Variants in HTR1F observed in about 807,000 individuals in gnomAD.
The protein encoded by HTR1F is 5-hydroxytryptamine (serotonin) receptor 1F, G protein-coupled.
In HTR1F, 17 loss-of-function variants were observed where a neutral mutation model predicts 24.0. The observed-to-expected ratio is 0.71, with a 90% CI of 0.48 to 1.06. The LOEUF is 1.06. Among genes scored for constraint, HTR1F ranks in the 50% least tolerant of loss-of-function variants. HTR1F has a pLI of 0.00. For synonymous variants in HTR1F, 186 were observed against 156.8 expected (o/e 1.19, Z -1.39); for missense variants, 391 against 427.8 (o/e 0.91, Z 0.76).
intron 2 of HTR1F, among the ~76,000 whole-genome samples, chr3:87,879,655 G>C (rs1345747535): frequency 2.0e-5 from 3 of 152,060 alleles, no homozygotes; most frequent in Non-Finnish European, 2.9e-5. Flanking sequence ...TAAATTTTTA[G>C]TTCAAGAAGC....
intron 2 of HTR1F, among the ~76,000 whole-genome samples, chr3:87,856,707 T>A (rs1445164465): frequency 6.6e-6 from 1 of 152,004 alleles, no homozygotes; most frequent in Non-Finnish European, 1.5e-5. Flanking sequence ...TTTAGAAAAA[T>A]TTTTCAGAAT....
intron 2 of HTR1F, among the ~76,000 whole-genome samples, chr3:87,959,281 G>T (rs1395829099): frequency 1.3e-5 from 2 of 151,754 alleles, no homozygotes; most frequent in East Asian, 3.9e-4. Context: ...ATTATTAGGA[G>T]TTTAATGAGA....
At chr3:87,900,140 T>C (rs1706288781) in intron 2 of HTR1F, among the ~76,000 whole-genome samples, 2 of 151,964 alleles carry the variant, frequency 1.3e-5, no homozygotes, top group Middle Eastern at 3.4e-3. Context: ...GGATAAGTAG[T>C]ATTAATATAA....
At chr3:87,891,868 A>T (rs1157617635) in intron 2 of HTR1F, among the ~76,000 whole-genome samples, 1 of 152,182 alleles carries the variant, frequency 6.6e-6, no homozygotes, top group Non-Finnish European at 1.5e-5. Context: ...TTAACTTTAT[A>T]ATCACCACTG....
chr3:87,845,572 G>A (rs779822891), intron 2 of HTR1F, among the ~76,000 whole-genome samples: 2 of 148,716 alleles, frequency 1.3e-5, no homozygotes, highest in African/African-American at 2.5e-5. Flanking sequence ...CACTGCTCAA[G>A]GAAATAAAAG....
intron 2 of HTR1F, among the ~76,000 whole-genome samples, chr3:87,970,235 T>C (rs1246431141): frequency 6.6e-6 from 1 of 152,162 alleles, no homozygotes; most frequent in Non-Finnish European, 1.5e-5. Flanking sequence ...TCAGGTAAGA[T>C]ACAGGGGAAC....
At chr3:87,952,562 C>T (rs753528736) in intron 2 of HTR1F, among the ~76,000 whole-genome samples, 2 of 151,854 alleles carry the variant, frequency 1.3e-5, no homozygotes, top group East Asian at 1.9e-4. Flanking sequence ...CAATAAATTG[C>T]GATCAGCCCT....
At chr3:87,923,192 T>C (rs1221251417) in intron 2 of HTR1F, among the ~76,000 whole-genome samples, 1 of 152,046 alleles carries the variant, frequency 6.6e-6, no homozygotes, top group African/African-American at 2.4e-5. Flanking sequence ...TAAAGTCAGG[T>C]GGTATGATGC....
chr3:87,946,992 A>C (rs1211992469), intron 2 of HTR1F, among the ~76,000 whole-genome samples: 1 of 152,218 alleles, frequency 6.6e-6, no homozygotes, highest in Non-Finnish European at 1.5e-5. Flanking sequence ...AATCCTCTGA[A>C]GAGTTAATTT....
At chr3:87,906,885 A>T (rs1703678858) in intron 2 of HTR1F, among the ~76,000 whole-genome samples, 1 of 152,068 alleles carries the variant, frequency 6.6e-6, no homozygotes, top group South Asian at 2.1e-4. Context: ...CTTATGGCTG[A>T]GTAGTATTCC....
intron 2 of HTR1F, among the ~76,000 whole-genome samples, chr3:87,889,542 C>T (rs1230117660): frequency 2.0e-5 from 3 of 151,940 alleles, no homozygotes; most frequent in Admixed American, 1.3e-4. Context: ...AGTGTTCTGA[C>T]TAAGAAGATT....
At chr3:87,831,103 A>AT (rs1246727629) in intron 2 of HTR1F, among the ~76,000 whole-genome samples, 1 of 151,902 alleles carries the variant, frequency 6.6e-6, no homozygotes, top group Non-Finnish European at 1.5e-5. Context: ...ATTCATAGCT[A>AT]TTTTTCTGGC....
At chr3:87,854,451 T>C (rs1421337761) in intron 2 of HTR1F, among the ~76,000 whole-genome samples, 3 of 152,016 alleles carry the variant, frequency 2.0e-5, no homozygotes, top group Non-Finnish European at 4.4e-5. Context: ...ATACTTATTA[T>C]TTCTTAGTCT....
At chr3:87,796,249 A>AAGG (rs1703903606) in intron 1 of HTR1F, among the ~76,000 whole-genome samples, 1 of 147,744 alleles carries the variant, frequency 6.8e-6, no homozygotes, top group Non-Finnish European at 1.5e-5. Context: ...TGGGTGTTGG[A>AAGG]AGGAAAGGAA....
chr3:87,885,115 AAAG>A, intron 2 of HTR1F, among the ~76,000 whole-genome samples: 1 of 152,304 alleles, frequency 6.6e-6, no homozygotes, highest in South Asian at 2.1e-4. Flanking sequence ...AGCAAATGTA[AAAG>A]AATAGAAATC....
chr3:87,946,210 G>A (rs1704699826), intron 2 of HTR1F, among the ~76,000 whole-genome samples: 1 of 152,214 alleles, frequency 6.6e-6, no homozygotes, highest in Non-Finnish European at 1.5e-5. Flanking sequence ...GATCCAGAGG[G>A]GTGGAAGTCA....
intron 2 of HTR1F, among the ~76,000 whole-genome samples, chr3:87,924,601 A>T (rs1704082467): frequency 6.6e-6 from 1 of 152,128 alleles, no homozygotes; most frequent in Non-Finnish European, 1.5e-5. Context: ...TCTGGAAAAG[A>T]CTATTTCTCC....
chr3:87,950,791 T>C (rs1704816787), intron 2 of HTR1F, among the ~76,000 whole-genome samples: 1 of 152,182 alleles, frequency 6.6e-6, no homozygotes, highest in Non-Finnish European at 1.5e-5. Context: ...TTGTTGTCAA[T>C]TCATTGGTGG....
At chr3:87,920,286 G>T (rs1450843344) in intron 2 of HTR1F, among the ~76,000 whole-genome samples, 1 of 151,576 alleles carries the variant, frequency 6.6e-6, no homozygotes. Flanking sequence ...AAAAGACTAC[G>T]AATAGGGTAA....
Sources: gnomAD v4.1 joint callset for allele counts (sites outside exome capture counted in the v4.1 genomes callset) on GRCh38, gnomAD v4.1.1 for gene constraint, MANE v1.5 for transcripts, NCBI Gene and HGNC (gene_info 2026-07-23, HGNC 2026-07-21) for gene names.